DNMT3A: variants seen among roughly 807,000 people sequenced by gnomAD.
The protein encoded by DNMT3A is DNA (cytosine-5)-methyltransferase 3A.
A neutral mutation model predicts 117.6 loss-of-function variants in DNMT3A; 267 were observed. The ratio of observed to expected loss-of-function variants is 2.27; its 90% CI spans 2.05 to 2.51. The LOEUF (loss-of-function observed/expected upper bound fraction) is 2.51. Ranked by LOEUF, DNMT3A falls within the 30% of genes most tolerant of loss-of-function variation. DNMT3A has a pLI of 0.00. For synonymous variants in DNMT3A, 432 were observed against 474.8 expected (o/e 0.91, Z 1.17); for missense variants, 1,029 against 1,260.2 (o/e 0.82, Z 2.78).
At position 25,247,161 on chromosome 2, in the gene DNMT3A, G is replaced by A. The variant is rs779112980; in HGVS notation, c.1015-3C>T. On this transcript the variant is annotated splice_polypyrimidine_tract_variant and splice_region_variant and intron_variant, in intron 8 of 22. Coordinates refer to ENST00000321117, the MANE Select transcript of DNMT3A (RefSeq NM_022552.5). This position sits in a 1 kb window ranked among gnomAD's most constrained non-coding sequence, Gnocchi z 5.6. ...GGCATCAGCTTCTCAACACACACCT[G>A]GGGGGACAAGCCAGGCCTTGTTTGC... is the stretch of plus-strand genomic sequence containing the variant. 5.0e-5 allele frequency: 81 copies of A among 1,613,288 alleles called. No individual in the cohort carries two copies. The East Asian group carries it at 1.6e-3, about 32-fold the overall frequency.
chr2:25,300,822 G>A (rs1180926773), intron 2 of DNMT3A, among the ~76,000 whole-genome samples: 1 of 126,012 alleles, frequency 7.9e-6, no homozygotes, highest in African/African-American at 3.0e-5. Flanking sequence ...CCCCCCGGAA[G>A]GCATCTCTCT....
Position 25,254,089 on chromosome 2 carries a change from AG to A in DNMT3A, c.640-5838del, listed in dbSNP as rs758975426. ...TCCGTCTCAAAAAAAAAAAAAAAAAAGATCTGGACTTCAGTTCTGTTTCCAC... is the reference window on the plus strand; with the variant it reads ...TCCGTCTCAAAAAAAAAAAAAAAAAAATCTGGACTTCAGTTCTGTTTCCAC... On this transcript the variant is annotated intron_variant, in intron 6 of 22. Transcript: ENST00000321117. The surrounding 1 kb of genome is among the most constrained non-coding windows in gnomAD (Gnocchi z 4.7). Among the ~76,000 whole-genome samples, 4 of 151,828 alleles carry A rather than the reference AG, an allele frequency of 2.6e-5. No homozygotes were observed. The highest frequency in any genetic ancestry group is 9.7e-5 in the African/African-American group (4 of 41,308).
At position 25,234,393 on chromosome 2, in the gene DNMT3A, A is replaced by G. The variant is rs1673110832; in HGVS notation, c.2625T>C (p.Thr875=). The G allele has an allele frequency of 2.5e-6, 4 of 1,613,824 alleles. No homozygotes were observed. Among genetic ancestry groups the G allele is most frequent in the Non-Finnish European group, 3.4e-6 (4 of 1,179,892 alleles). The part of the protein sequence containing the change: ...ERVFGFPVHY[T]DVSNMSRLAR... The stretch of plus-strand genomic sequence containing the variant: ...CCAAGCGGCTCATGTTGGAGACGTC[A>G]GTATAGTGGACTGGGAAACCAAATA... The change falls in exon 23 of 23, where the codon ACT becomes ACC. Residue 875 remains threonine, a synonymous_variant. Transcript: ENST00000321117. The surrounding 1 kb of genome is among the most constrained non-coding windows in gnomAD (Gnocchi z 4.5).
At chr2:25,245,201 A>C (rs979890069) in intron 13 of DNMT3A, 52 bp downstream of exon 13, 8 of 1,565,988 alleles carry the variant, frequency 5.1e-6, no homozygotes, top group Non-Finnish European at 6.1e-6. Flanking sequence ...GTCAGCCAGA[A>C]GGCCGAAGGG....
chr2:25,312,774 G>A (rs534083089), intron 2 of DNMT3A, among the ~76,000 whole-genome samples: 2 of 152,342 alleles, frequency 1.3e-5, no homozygotes, highest in Admixed American at 6.5e-5. Flanking sequence ...AGCTGAGCAC[G>A]CAAGAGGGAG....
chr2:25,307,477 T>G (rs1005113485), intron 2 of DNMT3A, among the ~76,000 whole-genome samples: 1 of 148,980 alleles, frequency 6.7e-6, no homozygotes, highest in African/African-American at 2.5e-5. Context: ...TTTTTTTTTT[T>G]TTTTTGAGAT....
rs1013207044 is a variant in DNMT3A at position 25,236,088 on chromosome 2, C to A, written c.2479-263G>T. Among the ~76,000 whole-genome samples the A allele has an allele frequency of 6.7e-6, 1 of 149,342 alleles. No individual in the cohort carries two copies. Among genetic ancestry groups the A allele is most frequent in the African/African-American group, 2.5e-5 (1 of 40,450 alleles). ...CAGACTTTTTTTTTTTTTTTTGAGA[C>A]GGAGTCTCGCTCTGTCACCCAGGCT... On this transcript the variant is annotated intron_variant, in intron 21 of 22. Transcript: ENST00000321117. This position sits in a 1 kb window ranked among gnomAD's most constrained non-coding sequence, Gnocchi z 4.5.
At chr2:25,320,468 T>C (rs1244739651) in intron 1 of DNMT3A, among the ~76,000 whole-genome samples, 1 of 152,110 alleles carries the variant, frequency 6.6e-6, no homozygotes, top group Non-Finnish European at 1.5e-5. Flanking sequence ...AACATCACAT[T>C]GTACCCCATA....
rs1383680770 is a variant in DNMT3A at position 25,246,322 on chromosome 2, A to G, written c.1280-13T>C. On this transcript the variant is annotated splice_polypyrimidine_tract_variant and intron_variant, in intron 10 of 22. Transcript: ENST00000321117. ...GGATTCTTCTCTTCTGGAGGAGGAA[A>G]GCAGGTGCCAAGGTCAGTTACAGGC... 10 of 1,590,130 alleles carry G rather than the reference A, an allele frequency of 6.3e-6. No individual in the cohort carries two copies. The South Asian group carries it at 1.0e-4, about 16-fold the overall frequency.
chr2:25,255,993 ATGT>A (rs1326839205), intron 6 of DNMT3A, among the ~76,000 whole-genome samples: 2 of 152,114 alleles, frequency 1.3e-5, no homozygotes, highest in East Asian at 3.8e-4. Context: ...AGGGTAGATG[ATGT>A]TGCTGTCATC....
At chr2:25,295,256 C>G (rs1239609750) in intron 3 of DNMT3A, among the ~76,000 whole-genome samples, 1 of 152,228 alleles carries the variant, frequency 6.6e-6, no homozygotes, top group Non-Finnish European at 1.5e-5. Flanking sequence ...CTCCACGCAC[C>G]AGCCCCCGCC....
rs1480094409 is a variant in DNMT3A at position 25,286,646 on chromosome 2, G to A, written c.178-3935C>T. ...GTGTGGCCCCTCAATGGGGCTCTCT[G>A]GGGCTCAGGGTGACCAGCAGGACAA... On this transcript the variant is annotated intron_variant, in intron 3 of 22. Coordinates refer to ENST00000321117, the MANE Select transcript of DNMT3A (RefSeq NM_022552.5). This position sits in a 1 kb window ranked among gnomAD's most constrained non-coding sequence, Gnocchi z 4.3. 6.6e-6 allele frequency among the ~76,000 whole-genome samples: 1 copy of A among 152,226 alleles called. No individual in the cohort carries two copies. Among genetic ancestry groups the A allele is most frequent in the East Asian group, 1.9e-4 (1 of 5,200 alleles).
chr2:25,335,627 C>G (rs1288073478), intron 1 of DNMT3A, among the ~76,000 whole-genome samples: 1 of 152,200 alleles, frequency 6.6e-6, no homozygotes, highest in Admixed American at 6.5e-5. Flanking sequence ...ACTGAGCCCC[C>G]CTCCCCTTTC....
Position 25,243,879 on chromosome 2 carries a change from T to G in DNMT3A, c.1936+19A>C. 6.4e-7 allele frequency: 1 copy of G among 1,551,844 alleles called. No individual in the cohort carries two copies. The highest frequency in any genetic ancestry group is 8.7e-7 in the Non-Finnish European group (1 of 1,146,990). ...CCTGGGACAAGGCGGCCAGCACCTC[T>G]TGGGCCTGCACCCCTCACCTGTAGC... On this transcript the variant is annotated intron_variant, in intron 16 of 22. Transcript: ENST00000321117.
chr2:25,329,096 C>T (rs2034910142), intron 1 of DNMT3A, among the ~76,000 whole-genome samples: 1 of 152,208 alleles, frequency 6.6e-6, no homozygotes, highest in African/African-American at 2.4e-5. Context: ...AGGGAGCTCG[C>T]TGCTCTCAGA....
chr2:25,244,456 G>A, intron 14 of DNMT3A, 84 bp downstream of exon 14: 1 of 1,583,948 alleles, frequency 6.3e-7, no homozygotes, highest in Non-Finnish European at 8.6e-7. Flanking sequence ...GAGGGTCTGT[G>A]GGGAAGGGAG....
intron 1 of DNMT3A, among the ~76,000 whole-genome samples, chr2:25,317,082 G>A (rs1375862369): frequency 6.6e-6 from 1 of 152,134 alleles, no homozygotes; most frequent in African/African-American, 2.4e-5. Flanking sequence ...TTTAGAGCAG[G>A]TTCTTGCTCT....
chr2:25,293,187 C>T lies in DNMT3A; in HGVS notation c.177+6952G>A, dbSNP rs923458587. On this transcript the variant is annotated intron_variant, in intron 3 of 22. Coordinates refer to ENST00000321117, the MANE Select transcript of DNMT3A (RefSeq NM_022552.5). This position sits in a 1 kb window ranked among gnomAD's most constrained non-coding sequence, Gnocchi z 4.7. ...GCCATTGCTAGGGCTTCCTTTCACC[C>T]CTTCCTCTCCAGCGTTCCCAGGGCC... Among the ~76,000 whole-genome samples the T allele has an allele frequency of 4.6e-5, 7 of 152,168 alleles. No homozygotes were observed. Among genetic ancestry groups the T allele is most frequent in the African/African-American group, 1.7e-4 (7 of 41,430 alleles).
rs747110609 is a variant in DNMT3A, at chr2:25,231,024, G to C, written c.*3255C>G. 2 of 152,290 alleles carry C rather than the reference G, an allele frequency of 1.3e-5. No individual in the cohort carries two copies. Among genetic ancestry groups the C allele is most frequent in the African/African-American group, 4.8e-5 (2 of 41,460 alleles). 9.4% of individuals were successfully genotyped at this position (152,290 alleles called of 1,614,324 possible). On this transcript the variant is annotated 3_prime_UTR_variant, in exon 23 of 23. Transcript: ENST00000321117. ...CACCAACCCTTTGGTTGGAGCACCA[G>C]GCCCAGTTCCGGTGGAGCTTGGGCC...
Sources: allele counts gnomAD v4.1 joint callset (sites outside exome capture counted in the v4.1 genomes callset), GRCh38; gene constraint gnomAD v4.1.1; non-coding constraint Gnocchi (gnomAD v3.1); transcripts MANE v1.5; gene names NCBI Gene and HGNC (gene_info 2026-07-23, HGNC 2026-07-21).